The following PLCB1 variants were observed in gnomAD, a reference collection of about 807,000 sequenced individuals.
The protein encoded by PLCB1 is phospholipase C beta 1.
In PLCB1, 46 loss-of-function variants were observed where a neutral mutation model predicts 161.8. The ratio of observed to expected loss-of-function variants is 0.28; its 90% CI spans 0.22 to 0.36. The LOEUF is 0.36. Ranked by LOEUF, PLCB1 falls within the 10% of genes least tolerant of loss-of-function variation. The probability of loss-of-function intolerance (pLI) is 1.00; values close to 1 mark genes in which losing one functional copy is unlikely to be tolerated. For synonymous variants in PLCB1, 517 were observed against 503.7 expected, an observed-to-expected ratio of 1.03 and a Z score of -0.35; for missense variants, 1,016 against 1,472.5, an observed-to-expected ratio of 0.69 and a Z score of 5.07.
chr20:8,478,145 T>G (rs1471604159), intron 3 of PLCB1, among the ~76,000 whole-genome samples: 1 of 152,220 alleles, frequency 6.6e-6, no homozygotes, highest in African/African-American at 2.4e-5. Context: ...TGGCTGAAAC[T>G]CAAGTAAAGG....
intron 31 of PLCB1, among the ~76,000 whole-genome samples, chr20:8,839,719 A>G (rs944085095): frequency 1.5e-5 from 2 of 132,328 alleles, no homozygotes; most frequent in African/African-American, 5.7e-5. Context: ...CAGTCACATT[A>G]TTTTTTAGTA....
At chr20:8,519,119 G>C (rs867023725) in intron 3 of PLCB1, among the ~76,000 whole-genome samples, 3 of 152,002 alleles carry the variant, frequency 2.0e-5, no homozygotes, top group African/African-American at 2.4e-5. Flanking sequence ...GACTGATAGC[G>C]GTCCATGGCT....
intron 1 of PLCB1, among the ~76,000 whole-genome samples, chr20:8,138,170 T>G (rs2051367716): frequency 6.6e-6 from 1 of 152,376 alleles, no homozygotes; most frequent in South Asian, 2.1e-4. Flanking sequence ...TGCTTAACAC[T>G]AATATTTCCC....
intron 3 of PLCB1, among the ~76,000 whole-genome samples, chr20:8,590,004 CTAATA>C (rs1987101894): frequency 6.6e-6 from 1 of 152,112 alleles, no homozygotes; most frequent in South Asian, 2.1e-4. Context: ...GCCCCTCCTC[CTAATA>C]TCATCACTTT....
At chr20:8,625,918 C>T (rs1333448621) in intron 3 of PLCB1, among the ~76,000 whole-genome samples, 1 of 151,836 alleles carries the variant, frequency 6.6e-6, no homozygotes, top group Non-Finnish European at 1.5e-5. Flanking sequence ...TATAAAACAC[C>T]TGTAATCCCA....
At position 8,214,166 on chromosome 20, in the gene PLCB1, A is replaced by G. The variant is rs568626295; in HGVS notation, c.177+63795A>G. 7.9e-5 allele frequency among the ~76,000 whole-genome samples: 12 copies of G among 152,238 alleles called. No individual in the cohort carries two copies. In the South Asian group the frequency reaches 1.5e-3, roughly 18 times the overall value. On this transcript the variant is annotated intron_variant, in intron 2 of 31. Coordinates refer to ENST00000338037, the MANE Select transcript of PLCB1 (RefSeq NM_015192.4). The stretch of plus-strand genomic sequence containing the variant: ...AAACCACAACTGAAATGGGTATTAT[A>G]TATATGCTGATGAAAGTAGCTATGT...
intron 2 of PLCB1, among the ~76,000 whole-genome samples, chr20:8,300,085 C>T (rs777624620): frequency 3.3e-5 from 5 of 152,086 alleles, no homozygotes; most frequent in Admixed American, 6.6e-5. Context: ...TGGGGATCAT[C>T]GAGCTGCTGG....
chr20:8,411,042 G>A (rs1979021993), intron 3 of PLCB1, among the ~76,000 whole-genome samples: 1 of 152,192 alleles, frequency 6.6e-6, no homozygotes, highest in Admixed American at 6.5e-5. Context: ...GTCAATGTCT[G>A]TTCTTTTAAA....
At chr20:8,510,623 A>T (rs766340248) in intron 3 of PLCB1, among the ~76,000 whole-genome samples, 15 of 151,874 alleles carry the variant, frequency 9.9e-5, no homozygotes, top group Non-Finnish European at 1.9e-4. Context: ...ACCCCTGACC[A>T]CAGGTGATCC....
At chr20:8,832,586 T>C (rs1986066040) in intron 31 of PLCB1, among the ~76,000 whole-genome samples, 1 of 152,206 alleles carries the variant, frequency 6.6e-6, no homozygotes, top group African/African-American at 2.4e-5. Context: ...TGCAATGTAT[T>C]GCCTTTCCAT....
intron 3 of PLCB1, among the ~76,000 whole-genome samples, chr20:8,430,412 G>T (rs2122575740): frequency 6.6e-6 from 1 of 152,270 alleles, no homozygotes; most frequent in East Asian, 1.9e-4. Flanking sequence ...AACAAAGCAT[G>T]GTTGGAAATA....
intron 25 of PLCB1, among the ~76,000 whole-genome samples, chr20:8,764,531 G>A (rs1395015202): frequency 1.3e-5 from 2 of 152,202 alleles, no homozygotes; most frequent in Non-Finnish European, 2.9e-5. Context: ...TACAGCTGGT[G>A]CACCCGTCTC....
intron 3 of PLCB1, among the ~76,000 whole-genome samples, chr20:8,416,444 G>T (rs750950631): frequency 2.0e-5 from 3 of 152,066 alleles, no homozygotes; most frequent in Non-Finnish European, 4.4e-5. Flanking sequence ...AATTCTGAAG[G>T]CTGTCCTTGA....
At chr20:8,673,042 G>A (rs1449568524) in intron 9 of PLCB1, among the ~76,000 whole-genome samples, 1 of 151,940 alleles carries the variant, frequency 6.6e-6, no homozygotes, top group Non-Finnish European at 1.5e-5. Flanking sequence ...AACCTGGGAG[G>A]CAGAGGTTGC....
chr20:8,740,536 T>G (rs1375872675), intron 22 of PLCB1, 88 bp downstream of exon 22: 2 of 620,600 alleles, frequency 3.2e-6, no homozygotes, highest in African/African-American at 3.8e-5. Flanking sequence ...AAAGGAAAAC[T>G]GAACCAAACA....
At chr20:8,147,899 G>A (rs537873341) in intron 1 of PLCB1, among the ~76,000 whole-genome samples, 32 of 140,702 alleles carry the variant, frequency 2.3e-4, no homozygotes, top group Admixed American at 7.4e-5. Flanking sequence ...TTGAGACGGC[G>A]TCTCGCTCTG....
chr20:8,422,183 T>C (rs913427894), intron 3 of PLCB1, among the ~76,000 whole-genome samples: 2 of 152,210 alleles, frequency 1.3e-5, no homozygotes, highest in African/African-American at 4.8e-5. Flanking sequence ...TTCCCAGGCA[T>C]AGCGTCAGCT....
In PLCB1 at chr20:8,431,438, G is replaced by C. The variant is rs550081035; in HGVS notation, c.246+59988G>C. 8.5e-5 allele frequency among the ~76,000 whole-genome samples: 13 copies of C among 152,132 alleles called. No homozygotes were observed. In the South Asian group the frequency reaches 1.9e-3, roughly 22 times the overall value. ...GAGGGAGAGGGAAAAGAATTCTTTC[G>C]GACAAAATGTATCAAATGTTTGACT... On this transcript the variant is annotated intron_variant, in intron 3 of 31. Transcript: ENST00000338037.
chr20:8,757,277 G>A, intron 24 of PLCB1, 99 bp downstream of exon 24: 9 of 1,287,548 alleles, frequency 7.0e-6, no homozygotes. Flanking sequence ...AAAGCATCAA[G>A]TGGGGAAAGA....
Sources: allele counts gnomAD v4.1 joint callset (sites outside exome capture counted in the v4.1 genomes callset), GRCh38; gene constraint gnomAD v4.1.1; transcripts MANE v1.5; gene names NCBI Gene and HGNC (gene_info 2026-07-23, HGNC 2026-07-21).